MED26: variants seen among roughly 807,000 people sequenced by gnomAD.
MED26 encodes the protein mediator complex subunit 26, also known as mediator of RNA polymerase II transcription subunit 26.
Under a neutral mutation model 43.7 loss-of-function variants are expected in MED26, and 7 were observed. The observed-to-expected ratio is 0.16, with a 90% CI of 0.09 to 0.30. The LOEUF (loss-of-function observed/expected upper bound fraction) is 0.30, where lower values mean the gene tolerates loss of function less well. MED26 is among the 10% of genes least tolerant of loss of function. The pLI is 1.00. For missense variants in MED26, 784 were observed against 840.6 expected, an observed-to-expected ratio of 0.93 and a Z score of 0.83; for synonymous variants, 375 against 371.1, an observed-to-expected ratio of 1.01 and a Z score of -0.12.
intron 1 of MED26, among the ~76,000 whole-genome samples, chr19:16,625,039 C>A (rs2086267975): frequency 6.6e-6 from 1 of 152,218 alleles, no homozygotes; most frequent in Admixed American, 6.5e-5. Flanking sequence ...CACAGTCCTT[C>A]ACTTTACCCA....
intron 1 of MED26, among the ~76,000 whole-genome samples, chr19:16,626,733 G>A (rs957820735): frequency 2.6e-5 from 4 of 152,150 alleles, no homozygotes; most frequent in African/African-American, 9.7e-5. Flanking sequence ...AGCCAAAGAT[G>A]ATATTTTTCT....
intron 1 of MED26, among the ~76,000 whole-genome samples, chr19:16,614,976 G>A (rs1034566293): frequency 6.6e-6 from 1 of 152,096 alleles, no homozygotes; most frequent in Admixed American, 6.5e-5. Flanking sequence ...TCTGAAGTCA[G>A]AAATGGACCC....
intron 1 of MED26, chr19:16,610,875 C>T (rs913339126): frequency 2.6e-5 from 4 of 152,220 alleles, no homozygotes; most frequent in Non-Finnish European, 5.9e-5. Flanking sequence ...CTGAAGAAGT[C>T]CGACTGTCAC....
chr19:16,618,116 C>A (rs969776120), intron 1 of MED26, among the ~76,000 whole-genome samples: 2 of 152,158 alleles, frequency 1.3e-5, no homozygotes, highest in African/African-American at 4.8e-5. Context: ...AGGGGAGGCA[C>A]AGATGAGAGG....
Position 16,577,081 on chromosome 19 carries a change from A to G in MED26, c.749T>C (p.Leu250Pro), listed in dbSNP as rs2086010475. ...GPCLQPKASV[L>P]QQLDRVDETP... ...CTCGTCCACCCTGTCCAGCTGCTGC[A>G]GCACCGAAGCCTTTGGCTGCAAGCA... is the stretch of plus-strand genomic sequence containing the variant. The change falls in exon 3 of 3, where the codon CTG becomes CCG. Residue 250 changes from leucine to proline, a missense_variant. Transcript: ENST00000263390. The surrounding 1 kb of genome is among the most constrained non-coding windows in gnomAD (Gnocchi z 8.1). The G allele has an allele frequency of 1.9e-6, 3 of 1,608,944 alleles. No homozygotes were observed. Among genetic ancestry groups the G allele is most frequent in the Non-Finnish European group, 1.7e-6 (2 of 1,176,400 alleles).
chr19:16,601,889 C>T (rs3786595), intron 1 of MED26, among the ~76,000 whole-genome samples: 2,539 of 152,288 alleles, frequency 0.017, 145 homozygotes, highest in East Asian at 0.12. Flanking sequence ...ACAGCTGAAG[C>T]AGGGAGACAG....
intron 1 of MED26, among the ~76,000 whole-genome samples, chr19:16,616,207 G>A (rs11880427): frequency 0.022 from 3,388 of 152,232 alleles, 141 homozygotes; most frequent in African/African-American, 0.077. Context: ...CAGGCACAGG[G>A]CCATGTTCCA....
chr19:16,603,316 T>A (rs950134462), intron 1 of MED26, among the ~76,000 whole-genome samples: 2 of 152,058 alleles, frequency 1.3e-5, no homozygotes, highest in African/African-American at 4.8e-5. Context: ...GTGGGAGGGA[T>A]CAGATGGCCA....
Position 16,628,019 on chromosome 19 carries a change from C to T in MED26, c.-76G>A. On this transcript the variant is annotated 5_prime_UTR_variant, in exon 1 of 3. Transcript: ENST00000263390. Reference sequence around the variant, plus strand: ...AGGCGGGGGACGGGGGTCACTCACTCGCCGGCCTCCGGGAGCCGGAGCCGC... The same window carrying T: ...AGGCGGGGGACGGGGGTCACTCACTTGCCGGCCTCCGGGAGCCGGAGCCGC... The T allele has an allele frequency of 3.2e-6, 3 of 930,268 alleles. No homozygotes were observed. The highest frequency in any genetic ancestry group is 7.2e-4 in the Middle Eastern group (2 of 2,780). 57.6% of individuals were successfully genotyped at this position (930,268 alleles called of 1,614,324 possible).
chr19:16,622,600 T>C (rs919878346), intron 1 of MED26, among the ~76,000 whole-genome samples: 3 of 152,216 alleles, frequency 2.0e-5, no homozygotes, highest in African/African-American at 2.4e-5. Context: ...GCTCCAAGCA[T>C]GGGTGCTAGC....
At chr19:16,579,128 A>G (rs529876461) in intron 1 of MED26, among the ~76,000 whole-genome samples, 1 of 152,212 alleles carries the variant, frequency 6.6e-6, no homozygotes, top group Non-Finnish European at 1.5e-5. Flanking sequence ...TAATAATGAT[A>G]AACCAGTCAA....
At position 16,616,064 on chromosome 19, in the gene MED26, G is replaced by A. The variant is rs146517609; in HGVS notation, c.72+11808C>T. 2.4e-3 allele frequency among the ~76,000 whole-genome samples: 360 copies of A among 152,292 alleles called. 2 individuals are homozygous for A. The Middle Eastern group carries it at 0.031, about 13-fold the overall frequency. ...CTAACCATCCAATGGGCATGGACTG[G>A]AGAGAGGAAGGGGCAGCTCTCAGGA... On this transcript the variant is annotated intron_variant, in intron 1 of 2. Coordinates refer to ENST00000263390, the MANE Select transcript of MED26 (RefSeq NM_004831.5).
chr19:16,591,025 GA>G (rs1483119993), intron 1 of MED26, among the ~76,000 whole-genome samples: 1 of 150,802 alleles, frequency 6.6e-6, no homozygotes, highest in Non-Finnish European at 1.5e-5. Context: ...GGGCCACAGA[GA>G]GAGACTTTCT....
intron 1 of MED26, among the ~76,000 whole-genome samples, chr19:16,609,133 G>GA (rs2086187101): frequency 6.6e-6 from 1 of 151,840 alleles, no homozygotes; most frequent in Non-Finnish European, 1.5e-5. Flanking sequence ...TGGCCAAAAT[G>GA]CAGAAACCCT....
At position 16,576,932 on chromosome 19, in the gene MED26, G is replaced by A. The variant is rs752924058; in HGVS notation, c.898C>T (p.Pro300Ser). 1 of 1,595,662 alleles carries A rather than the reference G, an allele frequency of 6.3e-7. No homozygotes were observed. The highest frequency in any genetic ancestry group is 8.6e-7 in the Non-Finnish European group (1 of 1,169,300). ...LYAPKGSVPS[P>S]SPRPQALDAT... The stretch of plus-strand genomic sequence containing the variant: ...TCGAGTGCCTGGGGCCGCGGTGAGG[G>A]GCTGGGCACGGAGCCCTTGGGTGCA... Residue 300 changes from proline (P) to serine (S), a missense_variant, in exon 3 of 3, where the codon CCC (proline) becomes TCC (serine). By Grantham distance (74) the Pro-to-Ser change is moderately conservative. Coordinates refer to ENST00000263390, the MANE Select transcript of MED26 (RefSeq NM_004831.5). This position sits in a 1 kb window ranked among gnomAD's most constrained non-coding sequence, Gnocchi z 6.8.
intron 1 of MED26, among the ~76,000 whole-genome samples, chr19:16,581,722 T>C (rs1000320619): frequency 2.0e-5 from 3 of 152,210 alleles, no homozygotes; most frequent in African/African-American, 7.2e-5. Context: ...CTGGAAACTG[T>C]GTGGGAGCTG....
chr19:16,598,261 C>T (rs954593632), intron 1 of MED26, among the ~76,000 whole-genome samples: 8 of 136,674 alleles, frequency 5.9e-5, no homozygotes, highest in East Asian at 2.3e-4. Context: ...GGCTTGAATC[C>T]GGGAGGCGCA....
intron 1 of MED26, among the ~76,000 whole-genome samples, chr19:16,606,195 G>C (rs1390447615): frequency 3.3e-5 from 5 of 152,208 alleles, no homozygotes; most frequent in African/African-American, 1.2e-4. Flanking sequence ...GGTGACTCTT[G>C]AATCTCAGGA....
At chr19:16,607,968 A>G (rs1340140695) in intron 1 of MED26, among the ~76,000 whole-genome samples, 1 of 152,276 alleles carries the variant, frequency 6.6e-6, no homozygotes, top group Non-Finnish European at 1.5e-5. Context: ...AGCCAGCTGC[A>G]AAGGCGCAGA....
Sources: gnomAD v4.1 joint callset for allele counts (sites outside exome capture counted in the v4.1 genomes callset) on GRCh38, gnomAD v4.1.1 for gene constraint, Gnocchi (gnomAD v3.1) non-coding constraint, MANE v1.5 for transcripts, NCBI Gene and HGNC (gene_info 2026-07-23, HGNC 2026-07-21) for gene names.